Variants in BTBD9 observed in about 807,000 individuals in gnomAD.
BTBD9 encodes the protein BTB/POZ domain-containing protein 9.
BTBD9 carries 49 observed loss-of-function variants against 64.3 expected under a neutral mutation model. That is an observed-to-expected ratio of 0.76 (90% CI 0.61 to 0.97). The LOEUF (loss-of-function observed/expected upper bound fraction) is 0.97. Ranked by LOEUF, BTBD9 falls within the 50% of genes least tolerant of loss-of-function variation. The pLI, the probability that BTBD9 is intolerant of heterozygous loss-of-function variation, is 0.00. For synonymous variants in BTBD9, 260 were observed against 274.7 expected (o/e 0.95, Z 0.53); for missense variants, 598 against 762.1 (o/e 0.78, Z 2.53).
At chr6:38,358,363 C>G (rs1022027650) in intron 6 of BTBD9, among the ~76,000 whole-genome samples, 1 of 152,156 alleles carries the variant, frequency 6.6e-6, no homozygotes, top group African/African-American at 2.4e-5. Flanking sequence ...CTGATAGATT[C>G]AGCTGTGGAT....
chr6:38,566,692 T>C (rs747384336), intron 6 of BTBD9, among the ~76,000 whole-genome samples: 4 of 152,252 alleles, frequency 2.6e-5, no homozygotes, highest in Non-Finnish European at 5.9e-5. Context: ...TCTATTGTTT[T>C]GTGTGTAAGA....
At chr6:38,567,741 C>T (rs546012369) in intron 6 of BTBD9, among the ~76,000 whole-genome samples, 117 of 152,324 alleles carry the variant, frequency 7.7e-4, no homozygotes, top group Non-Finnish European at 1.5e-3. Flanking sequence ...GCACCCTGAT[C>T]TAGGGAACTT....
intron 9 of BTBD9, among the ~76,000 whole-genome samples, chr6:38,209,612 G>C (rs547637630): frequency 1.3e-5 from 2 of 152,130 alleles, no homozygotes; most frequent in African/African-American, 4.8e-5. Flanking sequence ...AAAACCTCTG[G>C]GGGGGTGGGC....
rs187141577 is a variant in BTBD9, at chr6:38,287,852, C to T, written c.1454+420G>A. On this transcript the variant is annotated intron_variant, in intron 8 of 10. Coordinates refer to ENST00000481247, the MANE Select transcript of BTBD9 (RefSeq NM_001099272.2). ...AAAAAGGAACAACAAAAAGCCCAGG[C>T]GCAAAGATCACTAAGATTATTCAAA... is the stretch of plus-strand genomic sequence containing the variant. Among the ~76,000 whole-genome samples the T allele has an allele frequency of 7.6e-4, 115 of 152,292 alleles. 1 individual carries two copies. The highest frequency in any genetic ancestry group is 2.7e-3 in the Admixed American group (42 of 15,292).
chr6:38,443,892 T>C (rs1348776082), intron 6 of BTBD9, among the ~76,000 whole-genome samples: 1 of 152,188 alleles, frequency 6.6e-6, no homozygotes, highest in African/African-American at 2.4e-5. Context: ...AGGGGTATGA[T>C]TCTTCAAAAC....
intron 7 of BTBD9, among the ~76,000 whole-genome samples, chr6:38,298,977 G>C (rs183780523): frequency 6.6e-6 from 1 of 151,856 alleles, no homozygotes; most frequent in African/African-American, 2.4e-5. Context: ...TTTAGCATTA[G>C]GTATACCTCC....
intron 6 of BTBD9, among the ~76,000 whole-genome samples, chr6:38,456,639 G>C (rs1769824025): frequency 6.6e-6 from 1 of 152,004 alleles, no homozygotes; most frequent in Non-Finnish European, 1.5e-5. Context: ...CATGTGTTTG[G>C]TTGCCATCTG....
At chr6:38,605,922 T>C (rs1382867721) in intron 1 of BTBD9, among the ~76,000 whole-genome samples, 1 of 152,132 alleles carries the variant, frequency 6.6e-6, no homozygotes, top group African/African-American at 2.4e-5. Context: ...TTTGAGTCAG[T>C]GGACTAAGAG....
intron 6 of BTBD9, among the ~76,000 whole-genome samples, chr6:38,545,697 T>G (rs2127442350): frequency 7.0e-6 from 1 of 142,838 alleles, no homozygotes; most frequent in East Asian, 2.0e-4. Flanking sequence ...GAGAATGACG[T>G]GAACCCAGGA....
chr6:38,486,864 A>G (rs568098104), intron 6 of BTBD9, among the ~76,000 whole-genome samples: 1 of 152,364 alleles, frequency 6.6e-6, no homozygotes, highest in South Asian at 2.1e-4. Context: ...ATACCACAGT[A>G]TCTGCAAAGT....
intron 7 of BTBD9, among the ~76,000 whole-genome samples, chr6:38,298,175 A>G (rs1169758425): frequency 3.3e-5 from 5 of 151,910 alleles, no homozygotes; most frequent in African/African-American, 1.2e-4. Flanking sequence ...TTTTCTAAGA[A>G]TGGATAGATT....
chr6:38,323,965 T>A (rs1442239662), intron 7 of BTBD9, among the ~76,000 whole-genome samples: 2 of 152,028 alleles, frequency 1.3e-5, no homozygotes, highest in African/African-American at 4.8e-5. Context: ...TACCCAGGTG[T>A]GGTAGCATGT....
intron 1 of BTBD9, among the ~76,000 whole-genome samples, chr6:38,611,372 T>A (rs1171870904): frequency 6.6e-6 from 1 of 152,136 alleles, no homozygotes; most frequent in Non-Finnish European, 1.5e-5. Flanking sequence ...TTTACATAAA[T>A]GACATTTTGA....
intron 6 of BTBD9, among the ~76,000 whole-genome samples, chr6:38,464,189 C>G (rs1449375065): frequency 6.6e-6 from 1 of 152,156 alleles, no homozygotes; most frequent in Non-Finnish European, 1.5e-5. Flanking sequence ...AGAGAGAACA[C>G]AGAAGAGATC....
intron 7 of BTBD9, among the ~76,000 whole-genome samples, chr6:38,320,442 ACT>A (rs972900425): frequency 2.5e-4 from 38 of 152,154 alleles, no homozygotes; most frequent in Admixed American, 2.5e-3. Context: ...CTGCATTTTA[ACT>A]CTCTTTCCAT....
At chr6:38,404,293 C>T (rs1489124606) in intron 6 of BTBD9, among the ~76,000 whole-genome samples, 1 of 152,188 alleles carries the variant, frequency 6.6e-6, no homozygotes, top group Non-Finnish European at 1.5e-5. Context: ...AGCACACTAG[C>T]CCATTTTCTT....
chr6:38,618,870 A>G lies in BTBD9; in HGVS notation c.-27-20749T>C, dbSNP rs1231281398. ...CTGGAGATGCCTGGTAACTTAGTCAAGTAAATGACAGAATGATAGCCGGAG... is the reference window on the plus strand; with the variant it reads ...CTGGAGATGCCTGGTAACTTAGTCAGGTAAATGACAGAATGATAGCCGGAG... On this transcript the variant is annotated intron_variant, in intron 1 of 10. Coordinates refer to ENST00000481247, the MANE Select transcript of BTBD9 (RefSeq NM_001099272.2). 2.0e-5 allele frequency among the ~76,000 whole-genome samples: 3 copies of G among 152,306 alleles called. No homozygotes were observed. In the East Asian group the frequency reaches 5.8e-4, roughly 29 times the overall value.
chr6:38,232,797 C>T (rs949211249), intron 9 of BTBD9, among the ~76,000 whole-genome samples: 1 of 152,074 alleles, frequency 6.6e-6, no homozygotes, highest in African/African-American at 2.4e-5. Flanking sequence ...CTGCGCCTGG[C>T]TGAGGCCTTT....
intron 6 of BTBD9, among the ~76,000 whole-genome samples, chr6:38,387,259 G>A (rs747190808): frequency 8.5e-5 from 13 of 152,150 alleles, no homozygotes; most frequent in African/African-American, 2.4e-4. Context: ...AAAGTTGGCC[G>A]GGCACAGTGG....
Sources: gnomAD v4.1 joint callset for allele counts (sites outside exome capture counted in the v4.1 genomes callset) on GRCh38, gnomAD v4.1.1 for gene constraint, MANE v1.5 for transcripts, NCBI Gene and HGNC (gene_info 2026-07-23, HGNC 2026-07-21) for gene names.